The following ADAMTS17 variants were observed in gnomAD, a reference collection of about 807,000 sequenced individuals.
ADAMTS17 encodes ADAM metallopeptidase with thrombospondin type 1 motif 17.
Under a neutral mutation model 141.5 loss-of-function variants are expected in ADAMTS17, and 113 were observed. That is an observed-to-expected ratio of 0.80 (90% CI 0.69 to 0.93). ADAMTS17 has a LOEUF of 0.93. Ranked by LOEUF, ADAMTS17 falls within the 40% of genes least tolerant of loss-of-function variation. ADAMTS17 has a pLI of 0.00. For synonymous variants in ADAMTS17, 768 were observed against 630.6 expected (o/e 1.22, Z -3.27); for missense variants, 1,659 against 1,517.9 (o/e 1.09, Z -1.54).
At position 100,281,360 on chromosome 15, in the gene ADAMTS17, G is replaced by A. The variant is rs755767925; in HGVS notation, c.658C>T (p.Arg220Trp). Residue 220 changes from arginine to tryptophan, a missense_variant, in exon 4 of 22, where the codon CGG (arginine) becomes TGG (tryptophan). Coordinates refer to ENST00000268070, the MANE Select transcript of ADAMTS17 (RefSeq NM_139057.4). Reference protein sequence around the residue: ...PTWGRPSRDWRERRNAIRLTS... With the variant: ...PTWGRPSRDWWERRNAIRLTS... The stretch of plus-strand genomic sequence containing the variant: ...AGCCGGATAGCGTTCCTCCGCTCCC[G>A]CCAGTCCCGCGAAGGCCTGCCCCAC... The A allele has an allele frequency of 1.6e-5, 26 of 1,612,338 alleles. No homozygotes were observed. The highest frequency in any genetic ancestry group is 5.5e-5 in the South Asian group (5 of 91,062).
chr15:100,232,158 C>A (rs1198195227), intron 7 of ADAMTS17, among the ~76,000 whole-genome samples: 4 of 152,230 alleles, frequency 2.6e-5, no homozygotes, highest in Non-Finnish European at 5.9e-5. Flanking sequence ...TTGGGGATAC[C>A]TGGCCAGAGG....
chr15:100,269,861 C>T (rs1451897516), intron 4 of ADAMTS17, among the ~76,000 whole-genome samples: 1 of 152,128 alleles, frequency 6.6e-6, no homozygotes, highest in Non-Finnish European at 1.5e-5. Flanking sequence ...ATTCTGGATG[C>T]CTCCCTCTAT....
At chr15:100,056,770 A>C (rs1327180217) in intron 15 of ADAMTS17, among the ~76,000 whole-genome samples, 3 of 152,054 alleles carry the variant, frequency 2.0e-5, no homozygotes, top group Non-Finnish European at 4.4e-5. Context: ...CAGCAGATGT[A>C]CCCTGCCATT....
chr15:100,077,273 A>G (rs10152405), intron 15 of ADAMTS17, among the ~76,000 whole-genome samples: 40,316 of 118,830 alleles, frequency 0.34, 8,475 homozygotes, highest in African/African-American at 0.6. Flanking sequence ...GTGAAACCCT[A>G]TCTCTACCAC....
chr15:100,086,578 T>C (rs140382865), intron 15 of ADAMTS17, among the ~76,000 whole-genome samples: 136 of 152,272 alleles, frequency 8.9e-4, no homozygotes, highest in African/African-American at 2.9e-3. Flanking sequence ...TATTCCAAAA[T>C]TGACCACTTA....
At chr15:99,998,353 AG>A (rs556016777) in intron 18 of ADAMTS17, among the ~76,000 whole-genome samples, 1 of 152,340 alleles carries the variant, frequency 6.6e-6, no homozygotes, top group South Asian at 2.1e-4. Context: ...CTGTAATCCC[AG>A]CACTTTGGGA....
chr15:100,088,947 A>C (rs1408437224), intron 15 of ADAMTS17, among the ~76,000 whole-genome samples: 1 of 151,988 alleles, frequency 6.6e-6, no homozygotes, highest in Non-Finnish European at 1.5e-5. Flanking sequence ...TTCATGTCTA[A>C]AACACCAAAA....
At chr15:100,134,437 C>A (rs1487423279) in intron 10 of ADAMTS17, among the ~76,000 whole-genome samples, 2 of 152,176 alleles carry the variant, frequency 1.3e-5, no homozygotes, top group Non-Finnish European at 2.9e-5. Flanking sequence ...CCAATCATGG[C>A]TAAAAGGCCC....
At chr15:100,301,420 G>T (rs900876489) in intron 3 of ADAMTS17, among the ~76,000 whole-genome samples, 2 of 151,584 alleles carry the variant, frequency 1.3e-5, no homozygotes, top group African/African-American at 4.8e-5. Context: ...CACCTCCCAG[G>T]TTCACACCAT....
intron 8 of ADAMTS17, among the ~76,000 whole-genome samples, chr15:100,172,093 G>A (rs551551366): frequency 6.6e-6 from 1 of 152,178 alleles, no homozygotes; most frequent in African/African-American, 2.4e-5. Flanking sequence ...TAGGGAGACA[G>A]GACAGAATTT....
rs771628328 is a variant in ADAMTS17 at position 100,330,964 on chromosome 15, T to C, written c.541A>G (p.Arg181Gly). The C allele has an allele frequency of 6.2e-7, 1 of 1,614,138 alleles. No homozygotes were observed. The highest frequency in any genetic ancestry group is 1.7e-5 in the Admixed American group (1 of 60,018). ...CTGGGGGTCAAGGACCATTTGCGCC[T>C]GATCAGATGTTCTCGTCCACTGAAT... Reference protein sequence around the residue: ...GPFSGREHLIRRKWSLTPSPS... With the variant: ...GPFSGREHLIGRKWSLTPSPS... Residue 181 changes from arginine to glycine, a missense_variant, in exon 3 of 22, where the codon AGG becomes GGG. Coordinates refer to ENST00000268070, the MANE Select transcript of ADAMTS17 (RefSeq NM_139057.4).
intron 3 of ADAMTS17, among the ~76,000 whole-genome samples, chr15:100,304,804 A>G (rs1440181649): frequency 6.6e-6 from 1 of 152,130 alleles, no homozygotes; most frequent in Non-Finnish European, 1.5e-5. Context: ...CCACTTATAC[A>G]TGGATTTTCA....
chr15:100,171,498 G>A (rs146692259), intron 8 of ADAMTS17, among the ~76,000 whole-genome samples: 118 of 152,232 alleles, frequency 7.8e-4, no homozygotes, highest in African/African-American at 2.7e-3. Context: ...ACCCCTGCAC[G>A]CTCCCACAAC....
chr15:100,098,266 G>C (rs1398671880), intron 14 of ADAMTS17, among the ~76,000 whole-genome samples: 1 of 151,852 alleles, frequency 6.6e-6, no homozygotes, highest in African/African-American at 2.4e-5. Flanking sequence ...GCTGTGATGA[G>C]GCACCGTGAG....
intron 8 of ADAMTS17, among the ~76,000 whole-genome samples, chr15:100,192,601 G>C (rs1193080087): frequency 6.6e-6 from 1 of 152,154 alleles, no homozygotes; most frequent in African/African-American, 2.4e-5. Context: ...CCAAACATTT[G>C]AGGCAAGAGC....
Position 100,341,093 on chromosome 15 carries a change from G to C in ADAMTS17, c.396C>G (p.Leu132=). The C allele has an allele frequency of 6.6e-7, 1 of 1,517,506 alleles. No homozygotes were observed. The highest frequency in any genetic ancestry group is 8.8e-7 in the Non-Finnish European group (1 of 1,138,346). The allele number at this position is 1,517,506 out of a possible 1,614,324, so 94.0% of individuals were successfully genotyped here. The stretch of plus-strand genomic sequence containing the variant: ...GCGAGACGAGGGAGCCGGGGTGGCC[G>C]AGCACACGGCCCGAGTAGAAGCACA... ...AELCFYSGRV[L]GHPGSLVSLS... Residue 132 remains leucine (L), a synonymous_variant, in exon 2 of 22, where the codon CTC becomes CTG. Coordinates refer to ENST00000268070, the MANE Select transcript of ADAMTS17 (RefSeq NM_139057.4).
chr15:100,248,796 G>C (rs914548390), intron 7 of ADAMTS17, among the ~76,000 whole-genome samples: 1 of 148,434 alleles, frequency 6.7e-6, no homozygotes, highest in African/African-American at 2.6e-5. Flanking sequence ...GGTCCTTCTG[G>C]TGTTAATTTT....
chr15:100,238,641 G>A (rs956245402), intron 7 of ADAMTS17, among the ~76,000 whole-genome samples: 1 of 152,210 alleles, frequency 6.6e-6, no homozygotes, highest in African/African-American at 2.4e-5. Flanking sequence ...CAAGACCAGA[G>A]TTAAGCCCTC....
intron 3 of ADAMTS17, among the ~76,000 whole-genome samples, chr15:100,309,809 C>T (rs916721530): frequency 1.3e-5 from 2 of 152,206 alleles, no homozygotes; most frequent in African/African-American, 4.8e-5. Flanking sequence ...GTCTGTGTGG[C>T]CAAGCCTGTT....
Sources: allele counts gnomAD v4.1 joint callset (sites outside exome capture counted in the v4.1 genomes callset), GRCh38; gene constraint gnomAD v4.1.1; transcripts MANE v1.5; gene names NCBI Gene and HGNC (gene_info 2026-07-23, HGNC 2026-07-21).